The following NUDT14 variants were observed in gnomAD, a reference collection of about 807,000 sequenced individuals.
NUDT14 encodes nudix hydrolase 14.
Under a neutral mutation model 17.5 loss-of-function variants are expected in NUDT14, and 22 were observed. The ratio of observed to expected loss-of-function variants is 1.26; its 90% CI spans 0.90 to 1.80. The LOEUF (loss-of-function observed/expected upper bound fraction) is 1.80. Ranked by LOEUF, NUDT14 falls within the 40% of genes most tolerant of loss-of-function variation. NUDT14 has a pLI of 0.00. For synonymous variants in NUDT14, 129 were observed against 125.8 expected (o/e 1.03, Z -0.17); for missense variants, 296 against 295.6 (o/e 1.00, Z -0.01).
At chr14:105,177,561 G>A (rs1230243319) in intron 2 of NUDT14, 131 bp downstream of exon 2, 1 of 819,894 alleles carries the variant, frequency 1.2e-6, no homozygotes, top group Admixed American at 2.2e-5. Context: ...CGGGCAGAGA[G>A]AAGGGACTTT....
In NUDT14 at chr14:105,175,761, T is replaced by A. The variant is rs960137026; in HGVS notation, c.428+773A>T. 11 of 1,007,004 alleles carry A rather than the reference T, an allele frequency of 1.1e-5. No homozygotes were observed. In the African/African-American group the frequency reaches 1.7e-4, roughly 16 times the overall value. 62.4% of individuals were successfully genotyped at this position (1,007,004 alleles called of 1,614,324 possible). ...CCATCCAGCCAGGAACGTGCCCAGG[T>A]GAAGTCCTTGAGGCTGCTGAGGTGG... On this transcript the variant is annotated intron_variant, in intron 4 of 4. Coordinates refer to ENST00000392568, the MANE Select transcript of NUDT14 (RefSeq NM_177533.5).
At chr14:105,180,992 C>A (rs938326583) in intron 1 of NUDT14, 137 bp downstream of exon 1, 3 of 237,558 alleles carry the variant, frequency 1.3e-5, no homozygotes, top group African/African-American at 2.3e-5. Flanking sequence ...GGCGGACAAG[C>A]GGCCGCCCGG....
At chr14:105,179,582 G>C (rs1435748932) in intron 1 of NUDT14, among the ~76,000 whole-genome samples, 1 of 152,224 alleles carries the variant, frequency 6.6e-6, no homozygotes, top group Non-Finnish European at 1.5e-5. Flanking sequence ...GGGCCACAGA[G>C]GGCACCTGCC....
chr14:105,181,231 GGCCGCGA>G lies in NUDT14; in HGVS notation c.-29_-23del, dbSNP rs1889322944. The G allele has an allele frequency of 1.1e-4, 27 of 256,922 alleles. No homozygotes were observed. The Middle Eastern group carries it at 7.5e-3, about 71-fold the overall frequency. 15.9% of individuals were successfully genotyped at this position (256,922 alleles called of 1,614,324 possible). A position where few individuals can be genotyped will look rare whatever the true frequency, so the allele number is the denominator to read the frequency against. On this transcript the variant is annotated 5_prime_UTR_variant, in exon 1 of 5. Transcript: ENST00000392568. This position sits in a 1 kb window ranked among gnomAD's most constrained non-coding sequence, Gnocchi z 5.0. ...CCATGGCGGCGCCCGGACAGGCGGG[GGCCGCGA>G]GCTCTGCGGGGGCCGACACGGGGCG...
At position 105,181,233 on chromosome 14, in the gene NUDT14, CCGCGAGCTCTGCG is replaced by C; in HGVS notation, c.-37_-25del. The C allele has an allele frequency of 3.9e-6, 1 of 254,244 alleles. No individual in the cohort carries two copies. The allele number at this position is 254,244 out of a possible 1,614,324, so 15.7% of individuals were successfully genotyped here. A position where few individuals can be genotyped will look rare whatever the true frequency, so the allele number is the denominator to read the frequency against. ...ATGGCGGCGCCCGGACAGGCGGGGG[CCGCGAGCTCTGCG>C]GGGGCCGACACGGGGCGGCGCCCTG... On this transcript the variant is annotated 5_prime_UTR_variant, in exon 1 of 5. Coordinates refer to ENST00000392568, the MANE Select transcript of NUDT14 (RefSeq NM_177533.5). The surrounding 1 kb of genome is among the most constrained non-coding windows in gnomAD (Gnocchi z 5.0).
At position 105,181,232 on chromosome 14, in the gene NUDT14, G is replaced by A. The variant is rs1462350031; in HGVS notation, c.-23C>T. 10 of 256,164 alleles carry A rather than the reference G, an allele frequency of 3.9e-5. No individual in the cohort carries two copies. The East Asian group carries it at 7.1e-4, about 18-fold the overall frequency. 15.9% of individuals were successfully genotyped at this position (256,164 alleles called of 1,614,324 possible). On this transcript the variant is annotated 5_prime_UTR_variant, in exon 1 of 5. Transcript: ENST00000392568. This position sits in a 1 kb window ranked among gnomAD's most constrained non-coding sequence, Gnocchi z 5.0. Reference sequence around the variant, plus strand: ...CATGGCGGCGCCCGGACAGGCGGGGGCCGCGAGCTCTGCGGGGGCCGACAC... The same window carrying A: ...CATGGCGGCGCCCGGACAGGCGGGGACCGCGAGCTCTGCGGGGGCCGACAC...
chr14:105,172,943 G>A lies in NUDT14; in HGVS notation c.*78C>T, dbSNP rs895355784. ...TCAGAACCAGCAGGCAGAAGCTGGA[G>A]CTATGCAAGCCTTTATTGGGGTCCG... On this transcript the variant is annotated 3_prime_UTR_variant, in exon 5 of 5. Coordinates refer to ENST00000392568, the MANE Select transcript of NUDT14 (RefSeq NM_177533.5). 5.9e-6 allele frequency: 8 copies of A among 1,360,746 alleles called. No homozygotes were observed. The highest frequency in any genetic ancestry group is 7.7e-6 in the Non-Finnish European group (8 of 1,040,458). 84.3% of individuals were successfully genotyped at this position (1,360,746 alleles called of 1,614,324 possible).
chr14:105,178,023 G>A (rs907034793), intron 1 of NUDT14, among the ~76,000 whole-genome samples: 10 of 152,164 alleles, frequency 6.6e-5, no homozygotes, highest in African/African-American at 1.9e-4. Flanking sequence ...CACAGACCGA[G>A]CACAAGGGGC....
In NUDT14 at chr14:105,177,017, G is replaced by A. The variant is rs148004115; in HGVS notation, c.136C>T (p.Leu46Phe). 6.2e-7 allele frequency: 1 copy of A among 1,611,682 alleles called. No individual in the cohort carries two copies. Among genetic ancestry groups the A allele is most frequent in the Admixed American group, 1.7e-5 (1 of 59,968 alleles). The change falls in exon 3 of 5, where the codon CTC becomes TTC. Residue 46 changes from leucine (L) to phenylalanine (F), a missense_variant. Leu to Phe is a conservative substitution (Grantham distance 22). Transcript: ENST00000392568. ...CTCCTCCGAGAAGAGTTGAATAAGA[G>A]AACGGTCACGCTGTGTACGGGGGGA... is the stretch of plus-strand genomic sequence containing the variant. ...FMKTHDSVTVLLFNSSRRSLV... is the reference protein window; with the variant it reads ...FMKTHDSVTVFLFNSSRRSLV...
Position 105,181,290 on chromosome 14 carries a change from G to T in NUDT14, c.-81C>A. ...CGCCCTGTCCCGACAGGAGCCTTCG[G>T]GCGGGCGCGTGACCGCGGCTCTGAG... On this transcript the variant is annotated 5_prime_UTR_variant, in exon 1 of 5. Coordinates refer to ENST00000392568, the MANE Select transcript of NUDT14 (RefSeq NM_177533.5). The surrounding 1 kb of genome is among the most constrained non-coding windows in gnomAD (Gnocchi z 5.0). The T allele has an allele frequency of 1.6e-6, 1 of 612,372 alleles. No individual in the cohort carries two copies. The highest frequency in any genetic ancestry group is 2.1e-6 in the Non-Finnish European group (1 of 468,774). The allele number at this position is 612,372 out of a possible 1,614,324, so 37.9% of individuals were successfully genotyped here. A position where few individuals can be genotyped will look rare whatever the true frequency, so the allele number is the denominator to read the frequency against.
Position 105,181,307 on chromosome 14 carries a change from G to A in NUDT14, c.-98C>T, listed in dbSNP as rs1444793494. On this transcript the variant is annotated 5_prime_UTR_variant, in exon 1 of 5. Coordinates refer to ENST00000392568, the MANE Select transcript of NUDT14 (RefSeq NM_177533.5). The surrounding 1 kb of genome is among the most constrained non-coding windows in gnomAD (Gnocchi z 5.0). ...AGCCTTCGGGCGGGCGCGTGACCGCGGCTCTGAGCATGCTCCGTGGGCGCG... is the reference window on the plus strand; with the variant it reads ...AGCCTTCGGGCGGGCGCGTGACCGCAGCTCTGAGCATGCTCCGTGGGCGCG... The A allele has an allele frequency of 8.4e-6, 4 of 478,510 alleles. No homozygotes were observed. The highest frequency in any genetic ancestry group is 2.2e-5 in the African/African-American group (1 of 46,498). 29.6% of individuals were successfully genotyped at this position (478,510 alleles called of 1,614,324 possible).
rs1889316213 is a variant in NUDT14, at chr14:105,181,057, A to C, written c.81+72T>G. 3 of 402,296 alleles carry C rather than the reference A, an allele frequency of 7.5e-6. No individual in the cohort carries two copies. The highest frequency in any genetic ancestry group is 1.0e-5 in the Non-Finnish European group (3 of 293,766). 24.9% of individuals were successfully genotyped at this position (402,296 alleles called of 1,614,324 possible). A position where few individuals can be genotyped will look rare whatever the true frequency, so the allele number is the denominator to read the frequency against. ...CGGGGCGGGGCCGGCAGCGCGGAAG[A>C]TGGTGGGCGGGGCGCGGGTCGTGGG... is the stretch of plus-strand genomic sequence containing the variant. On this transcript the variant is annotated intron_variant, in intron 1 of 4. Transcript: ENST00000392568. This position sits in a 1 kb window ranked among gnomAD's most constrained non-coding sequence, Gnocchi z 5.0.
chr14:105,178,249 T>C (rs1889258517), intron 1 of NUDT14, among the ~76,000 whole-genome samples: 1 of 151,788 alleles, frequency 6.6e-6, no homozygotes, highest in Admixed American at 6.6e-5. Context: ...CAGGAGGGGC[T>C]GGCACCAGGA....
In NUDT14 at chr14:105,174,846, C is replaced by T. The variant is rs1345783601; in HGVS notation, c.429-1585G>A. Among the ~76,000 whole-genome samples, 4 of 152,226 alleles carry T rather than the reference C, an allele frequency of 2.6e-5. No individual in the cohort carries two copies. In the East Asian group the frequency reaches 7.7e-4, roughly 29 times the overall value. On this transcript the variant is annotated intron_variant, in intron 4 of 4. Coordinates refer to ENST00000392568, the MANE Select transcript of NUDT14 (RefSeq NM_177533.5). ...CTGCCTCCCTGGGCCTTGTCCTTTG[C>T]AGCGGCAGGTAAGAGGCCTGGCTCA...
Position 105,181,275 on chromosome 14 carries a change from C to G in NUDT14, c.-66G>C, listed in dbSNP as rs1302728620. On this transcript the variant is annotated 5_prime_UTR_variant, in exon 1 of 5. Coordinates refer to ENST00000392568, the MANE Select transcript of NUDT14 (RefSeq NM_177533.5). The surrounding 1 kb of genome is among the most constrained non-coding windows in gnomAD (Gnocchi z 5.0). ...GCCGACACGGGGCGGCGCCCTGTCCCGACAGGAGCCTTCGGGCGGGCGCGT... is the reference window on the plus strand; with the variant it reads ...GCCGACACGGGGCGGCGCCCTGTCCGGACAGGAGCCTTCGGGCGGGCGCGT... The G allele has an allele frequency of 4.8e-6, 3 of 627,510 alleles. No homozygotes were observed. The highest frequency in any genetic ancestry group is 7.0e-5 in the East Asian group (1 of 14,272). 38.9% of individuals were successfully genotyped at this position (627,510 alleles called of 1,614,324 possible).
At position 105,173,196 on chromosome 14, in the gene NUDT14, C is replaced by T. The variant is rs765187630; in HGVS notation, c.494G>A (p.Arg165His). 5.6e-6 allele frequency: 9 copies of T among 1,609,966 alleles called. No individual in the cohort carries two copies. The highest frequency in any genetic ancestry group is 3.4e-5 in the Admixed American group (2 of 59,564). Residue 165 changes from arginine to histidine, a missense_variant, in exon 5 of 5, where the codon CGT becomes CAT. Coordinates refer to ENST00000392568, the MANE Select transcript of NUDT14 (RefSeq NM_177533.5). The surrounding 1 kb of genome is among the most constrained non-coding windows in gnomAD (Gnocchi z 4.7). ...CACCAGGCCCCCACCTGGACCGCTA[C>T]GCTGGGCATCTGTCACCTCTGTGTA... is the stretch of plus-strand genomic sequence containing the variant. ...MFYTEVTDAQ[R>H]SGPGGGLVEE...
Position 105,177,021 on chromosome 14 carries a change from G to A in NUDT14, c.132C>T (p.Thr44=), listed in dbSNP as rs748377521. The A allele has an allele frequency of 4.0e-5, 64 of 1,611,504 alleles. No homozygotes were observed. The highest frequency in any genetic ancestry group is 3.3e-4 in the Middle Eastern group (2 of 6,082). Residue 44 remains threonine (T), a synonymous_variant, in exon 3 of 5, where the codon ACC becomes ACT. Coordinates refer to ENST00000392568, the MANE Select transcript of NUDT14 (RefSeq NM_177533.5). ...TCCGAGAAGAGTTGAATAAGAGAAC[G>A]GTCACGCTGTGTACGGGGGGAGGGG... The part of the protein sequence containing the change: ...WDFMKTHDSV[T]VLLFNSSRRS...
chr14:105,173,203 C>A lies in NUDT14; in HGVS notation c.487G>T (p.Ala163Ser). ...CCCCCACCTGGACCGCTACGCTGGG[C>A]ATCTGTCACCTCTGTGTAGAACATG... Reference protein sequence around the residue: ...QTMFYTEVTDAQRSGPGGGLV... With the variant: ...QTMFYTEVTDSQRSGPGGGLV... Residue 163 changes from alanine (A) to serine (S), a missense_variant, in exon 5 of 5, where the codon GCC becomes TCC. Transcript: ENST00000392568. This position sits in a 1 kb window ranked among gnomAD's most constrained non-coding sequence, Gnocchi z 4.7. The A allele has an allele frequency of 6.2e-7, 1 of 1,609,320 alleles. No individual in the cohort carries two copies. Among genetic ancestry groups the A allele is most frequent in the Non-Finnish European group, 8.5e-7 (1 of 1,178,484 alleles).
At chr14:105,177,635 T>A (rs1267791407) in intron 2 of NUDT14, 57 bp downstream of exon 2, 3 of 1,547,924 alleles carry the variant, frequency 1.9e-6, no homozygotes, top group Admixed American at 3.4e-5. Flanking sequence ...GGGCCCAGTG[T>A]CCCCGTAGAC....
Sources: gnomAD v4.1 joint callset for allele counts (sites outside exome capture counted in the v4.1 genomes callset) on GRCh38, gnomAD v4.1.1 for gene constraint, Gnocchi (gnomAD v3.1) non-coding constraint, MANE v1.5 for transcripts, NCBI Gene and HGNC (gene_info 2026-07-23, HGNC 2026-07-21) for gene names.